ABCA13: variants seen among roughly 807,000 people sequenced by gnomAD.
The protein encoded by ABCA13 is ATP binding cassette subfamily A member 13, also known as ATP-binding cassette sub-family A member 13.
Under a neutral mutation model 478.7 loss-of-function variants are expected in ABCA13, and 476 were observed. The observed-to-expected ratio is 0.99, with a 90% CI of 0.92 to 1.07. The LOEUF is 1.07. ABCA13 is among the 50% of genes least tolerant of loss of function. The probability of loss-of-function intolerance (pLI) is 0.00; values close to 1 mark genes in which losing one functional copy is unlikely to be tolerated. For synonymous variants in ABCA13, 2,252 were observed against 2,158.9 expected (o/e 1.04, Z -1.20); for missense variants, 6,060 against 5,910.6 (o/e 1.03, Z -0.83).
chr7:48,234,156 A>G lies in ABCA13; in HGVS notation c.897+5A>G, dbSNP rs1789591205. 1 of 1,613,806 alleles carries G rather than the reference A, an allele frequency of 6.2e-7. No homozygotes were observed. Among genetic ancestry groups the G allele is most frequent in the Non-Finnish European group, 8.5e-7 (1 of 1,179,838 alleles). On this transcript the variant is annotated splice_donor_5th_base_variant and intron_variant, in intron 8 of 61. Transcript: ENST00000435803. ...TCTTCAGCTGAACTGAAGGAGGTACACATGCTTGACTGCTTCTCACACCGC... is the reference window on the plus strand; with the variant it reads ...TCTTCAGCTGAACTGAAGGAGGTACGCATGCTTGACTGCTTCTCACACCGC...
intron 42 of ABCA13, among the ~76,000 whole-genome samples, chr7:48,453,287 C>G (rs1041957728): frequency 6.7e-6 from 1 of 149,734 alleles, no homozygotes; most frequent in South Asian, 2.1e-4. Flanking sequence ...TTAAAATGTT[C>G]CCAGGTTAAT....
intron 42 of ABCA13, among the ~76,000 whole-genome samples, chr7:48,442,181 G>T (rs528694525): frequency 6.6e-6 from 1 of 152,164 alleles, no homozygotes; most frequent in Non-Finnish European, 1.5e-5. Flanking sequence ...AAACTCTCAC[G>T]TTGCCCATGT....
chr7:48,640,304 T>G (rs756074009), intron 59 of ABCA13, among the ~76,000 whole-genome samples: 1 of 152,214 alleles, frequency 6.6e-6, no homozygotes, highest in Non-Finnish European at 1.5e-5. Context: ...TGACAAGTGA[T>G]TTTTCAGAAA....
At position 48,283,380 on chromosome 7, in the gene ABCA13, A is replaced by G. The variant is rs1030323465; in HGVS notation, c.8836+1928A>G. On this transcript the variant is annotated intron_variant, in intron 19 of 61. Transcript: ENST00000435803. ...TATTGATAAGTGCTAGAAAGAAGCTAAAGTATGGCCATGAGGGTGAGAGTG... is the reference window on the plus strand; with the variant it reads ...TATTGATAAGTGCTAGAAAGAAGCTGAAGTATGGCCATGAGGGTGAGAGTG... Among the ~76,000 whole-genome samples the G allele has an allele frequency of 6.6e-5, 10 of 152,202 alleles. 1 individual carries two copies. The South Asian group carries it at 2.1e-3, about 32-fold the overall frequency.
chr7:48,440,196 A>G (rs1823393994), intron 42 of ABCA13, among the ~76,000 whole-genome samples: 2 of 152,186 alleles, frequency 1.3e-5, no homozygotes, highest in Middle Eastern at 3.2e-3. Flanking sequence ...TTTCCATGGT[A>G]CATACCTGCG....
At chr7:48,599,463 T>C (rs141189794) in intron 58 of ABCA13, among the ~76,000 whole-genome samples, 1 of 152,312 alleles carries the variant, frequency 6.6e-6, no homozygotes, top group East Asian at 1.9e-4. Context: ...TATTCCTATA[T>C]TCTGAATAGA....
chr7:48,420,457 G>A (rs1016139141), intron 41 of ABCA13, among the ~76,000 whole-genome samples: 1 of 152,200 alleles, frequency 6.6e-6, no homozygotes, highest in Non-Finnish European at 1.5e-5. Flanking sequence ...CTGAAGCCAA[G>A]ACAAAACTTT....
chr7:48,274,468 C>A lies in ABCA13; in HGVS notation c.4802C>A (p.Ala1601Asp), dbSNP rs182423801. Reference protein sequence around the residue: ...NSVGNSIYHLASYLAFSLSHD... With the variant: ...NSVGNSIYHLDSYLAFSLSHD... The stretch of plus-strand genomic sequence containing the variant: ...GTAGGCAATTCCATTTATCACTTAG[C>A]TAGTTACCTTGCCTTCAGCTTATCT... Residue 1601 changes from alanine to aspartate, a missense_variant, in exon 17 of 62, where the codon GCT becomes GAT. Around this residue, in one of 3 missense-constraint regions of ABCA13, gnomAD observed 4,423 missense variants for 4,309.1 expected, o/e 1.03. Coordinates refer to ENST00000435803, the MANE Select transcript of ABCA13 (RefSeq NM_152701.5). The A allele has an allele frequency of 8.7e-6, 14 of 1,613,826 alleles. No homozygotes were observed. In the African/African-American group the frequency reaches 1.7e-4, roughly 20 times the overall value.
intron 29 of ABCA13, among the ~76,000 whole-genome samples, chr7:48,345,199 A>C (rs1200414425): frequency 6.6e-6 from 1 of 152,254 alleles, no homozygotes; most frequent in Non-Finnish European, 1.5e-5. Flanking sequence ...AAAGTCTAGC[A>C]CACACAATTA....
chr7:48,587,346 A>T (rs1563472632), intron 57 of ABCA13, 58 bp downstream of exon 57: 4 of 1,484,722 alleles, frequency 2.7e-6, no homozygotes, highest in African/African-American at 1.4e-5. Flanking sequence ...TTGATTTATA[A>T]ACTGATTTTA....
chr7:48,231,946 G>A (rs1305984835), intron 7 of ABCA13, among the ~76,000 whole-genome samples: 2 of 152,088 alleles, frequency 1.3e-5, no homozygotes, highest in Non-Finnish European at 2.9e-5. Context: ...ACAGGCGTGA[G>A]CCACTGCGCC....
chr7:48,204,105 G>C (rs1784586872), intron 3 of ABCA13, among the ~76,000 whole-genome samples: 1 of 144,148 alleles, frequency 6.9e-6, no homozygotes, highest in Non-Finnish European at 1.5e-5. Flanking sequence ...TCACTCTCTT[G>C]ACACTCTTTT....
At chr7:48,173,065 G>A (rs1794372940) in intron 1 of ABCA13, among the ~76,000 whole-genome samples, 1 of 152,148 alleles carries the variant, frequency 6.6e-6, no homozygotes, top group African/African-American at 2.4e-5. Flanking sequence ...AGTGACCGAG[G>A]TAGCCAGACT....
chr7:48,643,502 A>G (rs1586078429), intron 60 of ABCA13, 109 bp downstream of exon 60: 2 of 946,918 alleles, frequency 2.1e-6, no homozygotes, highest in East Asian at 2.5e-5. Context: ...ACTACTTGTT[A>G]CCTTAGCCAC....
chr7:48,568,583 A>G (rs1341830806), intron 55 of ABCA13, among the ~76,000 whole-genome samples: 1 of 151,960 alleles, frequency 6.6e-6, no homozygotes, highest in Non-Finnish European at 1.5e-5. Context: ...GTTTTCTGTC[A>G]TGTCTTTAGT....
intron 59 of ABCA13, among the ~76,000 whole-genome samples, chr7:48,636,916 A>AATCTTAAAG (rs1794682133): frequency 6.6e-6 from 1 of 152,178 alleles, no homozygotes; most frequent in South Asian, 2.1e-4. Flanking sequence ...AGGGAGGTTG[A>AATCTTAAAG]ATCTTAAAGC....
At chr7:48,285,701 T>C (rs535419791) in intron 19 of ABCA13, among the ~76,000 whole-genome samples, 19 of 152,346 alleles carry the variant, frequency 1.2e-4, no homozygotes, top group Admixed American at 2.6e-4. Flanking sequence ...TCAGGGTGCA[T>C]TCTCTGCTCT....
At chr7:48,374,232 C>CTT (rs2129031371) in intron 33 of ABCA13, 115 bp from the exon 34 acceptor site, 2 of 860,608 alleles carry the variant, frequency 2.3e-6, no homozygotes, top group African/African-American at 3.5e-5. Context: ...GATGGTTGGG[C>CTT]GTCATCAGAA....
At chr7:48,225,115 GCC>G (rs1562816876) in intron 5 of ABCA13, among the ~76,000 whole-genome samples, 5 of 101,500 alleles carry the variant, frequency 4.9e-5, no homozygotes, top group East Asian at 2.5e-4. Context: ...GTGCGTGCCT[GCC>G]TGCCTGCCTG....
Sources: allele counts gnomAD v4.1 joint callset (sites outside exome capture counted in the v4.1 genomes callset), GRCh38; gene constraint gnomAD v4.1.1; regional missense constraint gnomAD v4.1.1; transcripts MANE v1.5; gene names NCBI Gene and HGNC (gene_info 2026-07-23, HGNC 2026-07-21).